Variants in CADPS2 observed in about 807,000 individuals in gnomAD.
CADPS2 encodes the protein calcium dependent secretion activator 2.
In CADPS2, 93 loss-of-function variants were observed where a neutral mutation model predicts 172.5. The ratio of observed to expected loss-of-function variants is 0.54; its 90% CI spans 0.46 to 0.64. CADPS2 has a LOEUF of 0.64. Ranked by LOEUF, CADPS2 falls within the 30% of genes least tolerant of loss-of-function variation. The pLI is 0.00. For synonymous variants in CADPS2, 546 were observed against 555.2 expected, an observed-to-expected ratio of 0.98 and a Z score of 0.23; for missense variants, 1,420 against 1,565.9, an observed-to-expected ratio of 0.91 and a Z score of 1.57.
intron 9 of CADPS2, among the ~76,000 whole-genome samples, chr7:122,493,831 A>C (rs1038965148): frequency 4.0e-5 from 6 of 151,778 alleles, no homozygotes; most frequent in African/African-American, 1.5e-4. Context: ...ATATTCGATA[A>C]ACATTTGAAG....
intron 9 of CADPS2, among the ~76,000 whole-genome samples, chr7:122,503,008 T>A (rs2059331909): frequency 6.7e-6 from 1 of 149,568 alleles, no homozygotes; most frequent in African/African-American, 2.5e-5. Context: ...ACAATAGAAA[T>A]AAGACTTCAA....
At chr7:122,750,013 G>C (rs2092884366) in intron 1 of CADPS2, among the ~76,000 whole-genome samples, 1 of 149,278 alleles carries the variant, frequency 6.7e-6, no homozygotes, top group Non-Finnish European at 1.5e-5. Flanking sequence ...CAGGAAGAGG[G>C]ACAAGAAAAT....
intron 3 of CADPS2, among the ~76,000 whole-genome samples, chr7:122,660,262 G>A (rs997107089): frequency 6.6e-6 from 1 of 152,144 alleles, no homozygotes; most frequent in African/African-American, 2.4e-5. Flanking sequence ...CTCTATTATG[G>A]AGTAGCTGCA....
intron 28 of CADPS2, among the ~76,000 whole-genome samples, chr7:122,325,981 T>A (rs963438134): frequency 1.3e-5 from 2 of 152,018 alleles, no homozygotes; most frequent in African/African-American, 4.8e-5. Flanking sequence ...AAATTTTCTA[T>A]TAGCCTGCAT....
intron 12 of CADPS2, among the ~76,000 whole-genome samples, chr7:122,474,750 T>A (rs1346775082): frequency 6.6e-6 from 1 of 152,122 alleles, no homozygotes; most frequent in Non-Finnish European, 1.5e-5. Flanking sequence ...TCCATCTCCA[T>A]TCAAAGCTAT....
At chr7:122,679,178 C>T (rs2082708646) in intron 2 of CADPS2, among the ~76,000 whole-genome samples, 1 of 144,474 alleles carries the variant, frequency 6.9e-6, no homozygotes, top group South Asian at 2.2e-4. Context: ...TCTCTTATTA[C>T]CGAAAACAGG....
rs373219693 is a variant in CADPS2 at position 122,885,979 on chromosome 7, C to G, written c.339+20G>C. 1.7e-5 allele frequency: 27 copies of G among 1,591,136 alleles called. No homozygotes were observed. The highest frequency in any genetic ancestry group is 2.1e-5 in the Non-Finnish European group (25 of 1,169,264). Reference sequence around the variant, plus strand: ...CCCAGGGAGAAGTGGTGGTAGGAGGCGCCCGGTCCCGCAACTCACCTTCTG... The same window carrying G: ...CCCAGGGAGAAGTGGTGGTAGGAGGGGCCCGGTCCCGCAACTCACCTTCTG... On this transcript the variant is annotated intron_variant, in intron 1 of 29. Coordinates refer to ENST00000449022, the MANE Select transcript of CADPS2 (RefSeq NM_017954.11).
chr7:122,525,213 T>C (rs2061126088), intron 8 of CADPS2, among the ~76,000 whole-genome samples: 1 of 152,162 alleles, frequency 6.6e-6, no homozygotes, highest in Admixed American at 6.6e-5. Flanking sequence ...ACTTGGTTCC[T>C]GAAAGGCCTC....
At chr7:122,529,946 C>A (rs1419558588) in intron 8 of CADPS2, among the ~76,000 whole-genome samples, 1 of 151,954 alleles carries the variant, frequency 6.6e-6, no homozygotes, top group Non-Finnish European at 1.5e-5. Context: ...TTTTTTATTT[C>A]CTTCCTTTGA....
In CADPS2 at chr7:122,480,625, G is replaced by C. The variant is rs1040232883; in HGVS notation, c.1861+227C>G. 3.3e-5 allele frequency among the ~76,000 whole-genome samples: 5 copies of C among 151,974 alleles called. No individual in the cohort carries two copies. In the South Asian group the frequency reaches 6.2e-4, roughly 19 times the overall value. On this transcript the variant is annotated intron_variant, in intron 12 of 29. Transcript: ENST00000449022. Reference sequence around the variant, plus strand: ...TTGCACGTTATTACAACACATTCGTGGCTATTACCCTTGTGCCTGTATGAA... The same window carrying C: ...TTGCACGTTATTACAACACATTCGTCGCTATTACCCTTGTGCCTGTATGAA...
At chr7:122,645,807 G>GAT (rs1299580151) in intron 3 of CADPS2, among the ~76,000 whole-genome samples, 2 of 147,516 alleles carry the variant, frequency 1.4e-5, no homozygotes, top group Non-Finnish European at 3.0e-5. Context: ...TAAACATGAA[G>GAT]ATATATATAT....
chr7:122,425,477 T>C (rs918077083), intron 17 of CADPS2, among the ~76,000 whole-genome samples: 2 of 149,780 alleles, frequency 1.3e-5, no homozygotes, highest in East Asian at 2.0e-4. Flanking sequence ...GGTGTGTGCC[T>C]GTGGTCCCAA....
In CADPS2 at chr7:122,835,314, T is replaced by TA. The variant is rs1490853260; in HGVS notation, c.339+50684dup. Among the ~76,000 whole-genome samples the TA allele has an allele frequency of 2.0e-5, 3 of 152,068 alleles. No homozygotes were observed. In the East Asian group the frequency reaches 5.8e-4, roughly 29 times the overall value. On this transcript the variant is annotated intron_variant, in intron 1 of 29. Coordinates refer to ENST00000449022, the MANE Select transcript of CADPS2 (RefSeq NM_017954.11). Reference sequence around the variant, plus strand: ...ACCATCATCAAAGACCAAAGGTAGATAAAACCACAAAGATGGGGAAAAAGC... The same window carrying TA: ...ACCATCATCAAAGACCAAAGGTAGATAAAAACCACAAAGATGGGGAAAAAGC...
At chr7:122,470,930 T>C (rs960465378) in intron 14 of CADPS2, among the ~76,000 whole-genome samples, 1 of 152,164 alleles carries the variant, frequency 6.6e-6, no homozygotes, top group Non-Finnish European at 1.5e-5. Flanking sequence ...GAAGAGACTC[T>C]ACATAAAACC....
At chr7:122,811,630 T>C (rs999047661) in intron 1 of CADPS2, among the ~76,000 whole-genome samples, 1 of 152,104 alleles carries the variant, frequency 6.6e-6, no homozygotes, top group Non-Finnish European at 1.5e-5. Flanking sequence ...GTATCTATAA[T>C]ATAGCTATTA....
At chr7:122,689,629 T>C (rs2084072708) in intron 2 of CADPS2, among the ~76,000 whole-genome samples, 2 of 152,120 alleles carry the variant, frequency 1.3e-5, no homozygotes, top group Non-Finnish European at 2.9e-5. Flanking sequence ...CACCCTCAGG[T>C]ACAGTCCAAT....
chr7:122,415,111 G>A (rs907366316), intron 18 of CADPS2, among the ~76,000 whole-genome samples: 1 of 152,166 alleles, frequency 6.6e-6, no homozygotes, highest in Admixed American at 6.5e-5. Flanking sequence ...TTTAGTGAAT[G>A]TTAATATGTA....
intron 1 of CADPS2, among the ~76,000 whole-genome samples, chr7:122,772,990 A>G (rs1053664186): frequency 2.4e-4 from 37 of 152,148 alleles, no homozygotes; most frequent in African/African-American, 8.7e-4. Context: ...AACAAATGGG[A>G]AGAAAATGGC....
rs755904743 is a variant in CADPS2 at position 122,474,487 on chromosome 7, T to C, written c.1892A>G (p.Asp631Gly). ...GCAGGGGTTTGCAGAAATAAACTCA[T>C]CCATACCATGTTTCTGAAAACGATC... ...DADRFQKHGM[D>G]EFISANPCKL... Residue 631 changes from aspartate (D) to glycine (G), a missense_variant, in exon 13 of 30, where the codon GAT becomes GGT. Transcript: ENST00000449022. 6.2e-7 allele frequency: 1 copy of C among 1,613,160 alleles called. No individual in the cohort carries two copies. Among genetic ancestry groups the C allele is most frequent in the Admixed American group, 1.7e-5 (1 of 59,914 alleles).
Sources: gnomAD v4.1 joint callset for allele counts (sites outside exome capture counted in the v4.1 genomes callset) on GRCh38, gnomAD v4.1.1 for gene constraint, MANE v1.5 for transcripts, NCBI Gene and HGNC (gene_info 2026-07-23, HGNC 2026-07-21) for gene names.